The following PITPNM2 variants were observed in gnomAD, a reference collection of about 807,000 sequenced individuals.
PITPNM2 encodes the protein membrane-associated phosphatidylinositol transfer protein 2.
A neutral mutation model predicts 132.2 loss-of-function variants in PITPNM2; 35 were observed. The observed-to-expected ratio is 0.26, with a 90% CI of 0.20 to 0.35. The LOEUF (loss-of-function observed/expected upper bound fraction) is 0.35. PITPNM2 is among the 10% of genes least tolerant of loss of function. PITPNM2 has a pLI of 1.00. For synonymous variants in PITPNM2, 738 were observed against 799.2 expected (o/e 0.92, Z 1.29); for missense variants, 1,332 against 1,912.0 (o/e 0.70, Z 5.66).
rs1022152672 is a variant in PITPNM2 at position 122,985,350 on chromosome 12, G to A, written c.*677C>T. On this transcript the variant is annotated 3_prime_UTR_variant, in exon 26 of 26. Transcript: ENST00000320201. The stretch of plus-strand genomic sequence containing the variant: ...CTGAGGCTGGAAACAACACTGGCCT[G>A]GGCTCCAGGCGGGGCAGGCAGACAG... 5 of 152,476 alleles carry A rather than the reference G, an allele frequency of 3.3e-5. No homozygotes were observed. The highest frequency in any genetic ancestry group is 3.3e-4 in the Admixed American group (5 of 15,280). The allele number at this position is 152,476 out of a possible 1,614,324, so 9.4% of individuals were successfully genotyped here. A position where few individuals can be genotyped will look rare whatever the true frequency, so the allele number is the denominator to read the frequency against.
intron 1 of PITPNM2, among the ~76,000 whole-genome samples, chr12:123,129,793 G>T (rs368930230): frequency 1.3e-5 from 2 of 152,060 alleles, no homozygotes; most frequent in South Asian, 2.1e-4. Context: ...TAGAGTTCTT[G>T]CCTACAGAGG....
In PITPNM2 at chr12:123,022,960, G is replaced by A. The variant is rs191555153; in HGVS notation, c.79-8918C>T. ...GAGCCCCGCTGGGACCAAGCAAGGCGGGCTGTGCTCTGCTTGTTCTCCCAG... is the reference window on the plus strand; with the variant it reads ...GAGCCCCGCTGGGACCAAGCAAGGCAGGCTGTGCTCTGCTTGTTCTCCCAG... On this transcript the variant is annotated intron_variant, in intron 3 of 25. Coordinates refer to ENST00000320201, the MANE Select transcript of PITPNM2 (RefSeq NM_020845.3). The surrounding 1 kb of genome is among the most constrained non-coding windows in gnomAD (Gnocchi z 4.9). 2.0e-5 allele frequency among the ~76,000 whole-genome samples: 3 copies of A among 152,338 alleles called. No individual in the cohort carries two copies. Among genetic ancestry groups the A allele is most frequent in the Admixed American group, 6.5e-5 (1 of 15,312 alleles).
rs957680577 is a variant in PITPNM2, at chr12:123,108,756, C to T, written c.-96+1629G>A. On this transcript the variant is annotated intron_variant, in intron 2 of 25. Coordinates refer to ENST00000320201, the MANE Select transcript of PITPNM2 (RefSeq NM_020845.3). This position sits in a 1 kb window ranked among gnomAD's most constrained non-coding sequence, Gnocchi z 4.4. Reference sequence around the variant, plus strand: ...AGAAGATAACAGTCCACGGTGCCAGCCTGGAACTACGGAGCCACAGAGGCA... The same window carrying T: ...AGAAGATAACAGTCCACGGTGCCAGTCTGGAACTACGGAGCCACAGAGGCA... 6.6e-6 allele frequency among the ~76,000 whole-genome samples: 1 copy of T among 152,166 alleles called. No homozygotes were observed. The highest frequency in any genetic ancestry group is 1.5e-5 in the Non-Finnish European group (1 of 68,030).
At chr12:122,990,379 G>A (rs2038135296) in intron 17 of PITPNM2, among the ~76,000 whole-genome samples, 166 bp downstream of exon 17, 2 of 152,256 alleles carry the variant, frequency 1.3e-5, no homozygotes, top group African/African-American at 2.4e-5. Context: ...GCTGGCCCGG[G>A]CACTGCAGGT....
chr12:123,065,920 AG>A (rs2041394985), intron 2 of PITPNM2, among the ~76,000 whole-genome samples: 3 of 152,244 alleles, frequency 2.0e-5, no homozygotes, highest in African/African-American at 7.2e-5. Flanking sequence ...AGTCAGATGC[AG>A]GAAGTGCTTC....
chr12:123,135,637 A>G (rs745432155), intron 1 of PITPNM2, among the ~76,000 whole-genome samples: 96 of 152,200 alleles, frequency 6.3e-4, no homozygotes, highest in Non-Finnish European at 1.1e-3. Flanking sequence ...TGACTGTTCT[A>G]TTTCATGTAA....
intron 2 of PITPNM2, among the ~76,000 whole-genome samples, chr12:123,057,114 T>C (rs1305835341): frequency 1.3e-5 from 2 of 151,962 alleles, no homozygotes; most frequent in African/African-American, 4.8e-5. Flanking sequence ...GGCGTGGTGG[T>C]TCACGCCTGC....
At chr12:123,148,153 A>G (rs547187837) in intron 1 of PITPNM2, among the ~76,000 whole-genome samples, 1 of 152,326 alleles carries the variant, frequency 6.6e-6, no homozygotes, top group South Asian at 2.1e-4. Flanking sequence ...CTTAATAAAC[A>G]TCAACCAAAT....
At chr12:123,130,020 T>C (rs1009220586) in intron 1 of PITPNM2, among the ~76,000 whole-genome samples, 8 of 152,076 alleles carry the variant, frequency 5.3e-5, no homozygotes, top group Admixed American at 4.6e-4. Context: ...TCCTCCCGCC[T>C]TGGCCTCCCA....
intron 3 of PITPNM2, among the ~76,000 whole-genome samples, chr12:123,033,390 G>A (rs1279169563): frequency 6.6e-6 from 1 of 152,226 alleles, no homozygotes; most frequent in Non-Finnish European, 1.5e-5. Flanking sequence ...TGCAGCAAGT[G>A]GGAGCAGTGG....
At chr12:123,044,052 C>T (rs530921236) in intron 2 of PITPNM2, among the ~76,000 whole-genome samples, 3 of 152,324 alleles carry the variant, frequency 2.0e-5, no homozygotes, top group Non-Finnish European at 2.9e-5. Context: ...TTGGTGCTCC[C>T]CTAATTTAAC....
intron 1 of PITPNM2, among the ~76,000 whole-genome samples, chr12:123,114,782 A>G (rs1426937989): frequency 2.6e-5 from 4 of 152,158 alleles, no homozygotes; most frequent in African/African-American, 9.7e-5. Context: ...GAGCTAAAGA[A>G]AGCAAGTGCT....
chr12:122,984,770 G>A lies in PITPNM2; in HGVS notation c.*1257C>T, dbSNP rs546649369. 9 of 152,424 alleles carry A rather than the reference G, an allele frequency of 5.9e-5. No homozygotes were observed. The highest frequency in any genetic ancestry group is 1.9e-4 in the African/African-American group (8 of 41,584). The allele number at this position is 152,424 out of a possible 1,614,324, so 9.4% of individuals were successfully genotyped here. On this transcript the variant is annotated 3_prime_UTR_variant, in exon 26 of 26. Coordinates refer to ENST00000320201, the MANE Select transcript of PITPNM2 (RefSeq NM_020845.3). ...GGCAGGCTCTCCCACTTCCGGGAAAGCCGAGGAGCAGCAGAGGGGCCGCCG... is the reference window on the plus strand; with the variant it reads ...GGCAGGCTCTCCCACTTCCGGGAAAACCGAGGAGCAGCAGAGGGGCCGCCG...
chr12:123,062,674 A>C (rs2041281765), intron 2 of PITPNM2, among the ~76,000 whole-genome samples: 1 of 152,208 alleles, frequency 6.6e-6, no homozygotes, highest in Admixed American at 6.5e-5. Context: ...TGAATATAGA[A>C]TACATAAAGA....
rs994651513 is a variant in PITPNM2, at chr12:122,984,918, C to G, written c.*1109G>C. The G allele has an allele frequency of 2.0e-4, 31 of 152,384 alleles. No individual in the cohort carries two copies. The highest frequency in any genetic ancestry group is 7.2e-4 in the African/African-American group (30 of 41,574). The allele number at this position is 152,384 out of a possible 1,614,324, so 9.4% of individuals were successfully genotyped here. On this transcript the variant is annotated 3_prime_UTR_variant, in exon 26 of 26. Coordinates refer to ENST00000320201, the MANE Select transcript of PITPNM2 (RefSeq NM_020845.3). ...CAGGCGAGAAATGAAGTCATGGCTG[C>G]CTGCCCTGAAGCTGACAAAGCAAGT... is the stretch of plus-strand genomic sequence containing the variant.
rs755794320 is a variant in PITPNM2, at chr12:123,099,711, T to G, written c.-96+10674A>C. 3.3e-5 allele frequency among the ~76,000 whole-genome samples: 5 copies of G among 152,204 alleles called. No individual in the cohort carries two copies. Among genetic ancestry groups the G allele is most frequent in the African/African-American group, 1.2e-4 (5 of 41,452 alleles). ...GTCCCACTGTGTGCCTGGGTTCAGATGCCTATCCATGCTGGCACTGTTCCA... is the reference window on the plus strand; with the variant it reads ...GTCCCACTGTGTGCCTGGGTTCAGAGGCCTATCCATGCTGGCACTGTTCCA... On this transcript the variant is annotated intron_variant, in intron 2 of 25. Transcript: ENST00000320201. This position sits in a 1 kb window ranked among gnomAD's most constrained non-coding sequence, Gnocchi z 4.2.
At chr12:123,030,850 A>C (rs1269394067) in intron 3 of PITPNM2, among the ~76,000 whole-genome samples, 1 of 152,214 alleles carries the variant, frequency 6.6e-6, no homozygotes, top group East Asian at 1.9e-4. Context: ...GACATGGATG[A>C]ATCCCAACAA....
At position 123,072,728 on chromosome 12, in the gene PITPNM2, G is replaced by A. The variant is rs144616522; in HGVS notation, c.-96+37657C>T. On this transcript the variant is annotated intron_variant, in intron 2 of 25. Coordinates refer to ENST00000320201, the MANE Select transcript of PITPNM2 (RefSeq NM_020845.3). ...TTCATCTGAAAGGGGCTTTCAGGAT[G>A]CCGAAGGCAGCAGAGAGGGCCACAA... 4.1e-3 allele frequency among the ~76,000 whole-genome samples: 623 copies of A among 152,366 alleles called. 4 individuals carry two copies. The highest frequency in any genetic ancestry group is 0.014 in the African/African-American group (597 of 41,594).
At chr12:122,995,698 G>A (rs537643058) in intron 13 of PITPNM2, 38 bp from the exon 14 acceptor site, 76 of 1,538,282 alleles carry the variant, frequency 4.9e-5, no homozygotes, top group Middle Eastern at 1.9e-4. Context: ...CCAGGTGGCC[G>A]CTGGCCTGAC....
Sources: gnomAD v4.1 joint callset for allele counts (sites outside exome capture counted in the v4.1 genomes callset) on GRCh38, gnomAD v4.1.1 for gene constraint, Gnocchi (gnomAD v3.1) non-coding constraint, MANE v1.5 for transcripts, NCBI Gene and HGNC (gene_info 2026-07-23, HGNC 2026-07-21) for gene names.